TSPOAP1: variants seen among roughly 807,000 people sequenced by gnomAD.
TSPOAP1 encodes the protein TSPO associated protein 1, also known as peripheral-type benzodiazepine receptor-associated protein 1.
A neutral mutation model predicts 197.0 loss-of-function variants in TSPOAP1; 87 were observed. The ratio of observed to expected loss-of-function variants is 0.44; its 90% CI spans 0.37 to 0.53. TSPOAP1 has a LOEUF of 0.53. TSPOAP1 is among the 20% of genes least tolerant of loss of function. TSPOAP1 has a pLI of 0.00. For missense variants in TSPOAP1, 2,174 were observed against 2,411.3 expected (o/e 0.90, Z 2.06); for synonymous variants, 913 against 998.9 (o/e 0.91, Z 1.62).
At chr17:58,320,034 T>G (rs1297055497) in intron 12 of TSPOAP1, 75 bp downstream of exon 12, 2 of 1,578,982 alleles carry the variant, frequency 1.3e-6, no homozygotes, top group Non-Finnish European at 1.7e-6. Flanking sequence ...AGAGGGGGAC[T>G]GCCTGGGCCC....
At chr17:58,316,183 T>A in intron 15 of TSPOAP1, 51 bp from the exon 16 acceptor site, 1 of 1,413,916 alleles carries the variant, frequency 7.1e-7, no homozygotes, top group Non-Finnish European at 1.0e-6. Context: ...ACACTCCACT[T>A]CCATGTCCTG....
chr17:58,324,802 G>C lies in TSPOAP1; in HGVS notation c.942+9C>G, dbSNP rs1442361795. 1.4e-6 allele frequency: 2 copies of C among 1,447,398 alleles called. No individual in the cohort carries two copies. Among genetic ancestry groups the C allele is most frequent in the East Asian group, 2.5e-5 (1 of 39,514 alleles). The allele number at this position is 1,447,398 out of a possible 1,614,324, so 89.7% of individuals were successfully genotyped here. On this transcript the variant is annotated intron_variant, in intron 5 of 31. Transcript: ENST00000343736. This position sits in a 1 kb window ranked among gnomAD's most constrained non-coding sequence, Gnocchi z 5.8. ...GCACCCACACACCTGCCCTTGCGCCGGCGCTCACCTCTCCCGGGGCCCCGG... is the reference window on the plus strand; with the variant it reads ...GCACCCACACACCTGCCCTTGCGCCCGCGCTCACCTCTCCCGGGGCCCCGG...
In TSPOAP1 at chr17:58,323,525, C is replaced by T. The variant is rs766082149; in HGVS notation, c.963G>A (p.Ala321=). 47 of 1,613,986 alleles carry T rather than the reference C, an allele frequency of 2.9e-5. No homozygotes were observed. The highest frequency in any genetic ancestry group is 3.5e-5 in the Non-Finnish European group (41 of 1,179,978). Reference sequence around the variant, plus strand: ...CCCCTAGAATCACGGGTAGGTTGTCCGCATCCTCCTGGGGCGTGGCCTGGA... The same window carrying T: ...CCCCTAGAATCACGGGTAGGTTGTCTGCATCCTCCTGGGGCGTGGCCTGGA... ...APGEATPQED[A]DNLPVILGEP... The change falls in exon 6 of 32, where the codon GCG becomes GCA. Residue 321 remains alanine (A), a synonymous_variant. Transcript: ENST00000343736.
In TSPOAP1 at chr17:58,326,893, G is replaced by A; in HGVS notation, c.334-103C>T. ...ACCATCCATGGTCCAAGGAGACATG[G>A]AGATGAAACGGTTTCCCCTATGTCC... On this transcript the variant is annotated intron_variant, in intron 1 of 31. Transcript: ENST00000343736. The surrounding 1 kb of genome is among the most constrained non-coding windows in gnomAD (Gnocchi z 4.7). The A allele has an allele frequency of 1.0e-6, 1 of 977,320 alleles. No individual in the cohort carries two copies. The allele number at this position is 977,320 out of a possible 1,614,324, so 60.5% of individuals were successfully genotyped here. A position where few individuals can be genotyped will look rare whatever the true frequency, so the allele number is the denominator to read the frequency against.
Position 58,325,908 on chromosome 17 carries a change from T to A in TSPOAP1, c.571-195A>T, listed in dbSNP as rs573526071. Reference sequence around the variant, plus strand: ...GCAGTTGGAAAGGATTAACTCTACATCTGAGTTTAGGATCAAAGGATGCTG... The same window carrying A: ...GCAGTTGGAAAGGATTAACTCTACAACTGAGTTTAGGATCAAAGGATGCTG... On this transcript the variant is annotated intron_variant, in intron 3 of 31. Coordinates refer to ENST00000343736, the MANE Select transcript of TSPOAP1 (RefSeq NM_004758.4). Among the ~76,000 whole-genome samples, 15 of 152,226 alleles carry A rather than the reference T, an allele frequency of 9.9e-5. No individual in the cohort carries two copies. The South Asian group carries it at 2.9e-3, about 29-fold the overall frequency.
chr17:58,318,954 G>T, intron 13 of TSPOAP1, 136 bp downstream of exon 13: 1 of 1,042,618 alleles, frequency 9.6e-7, no homozygotes, highest in Non-Finnish European at 1.3e-6. Context: ...ACAGAACGTG[G>T]TTCTAGCCAG....
intron 16 of TSPOAP1, 52 bp from the exon 17 acceptor site, chr17:58,312,774 TA>T: frequency 1.3e-6 from 2 of 1,482,356 alleles, no homozygotes; most frequent in East Asian, 2.3e-5. Flanking sequence ...AGAGAGGAGA[TA>T]AAGAAAAAAC....
Position 58,328,186 on chromosome 17 carries a change from C to T in TSPOAP1, c.-266G>A, listed in dbSNP as rs1971713084. On this transcript the variant is annotated 5_prime_UTR_variant, in exon 1 of 32. Coordinates refer to ENST00000343736, the MANE Select transcript of TSPOAP1 (RefSeq NM_004758.4). The surrounding 1 kb of genome is among the most constrained non-coding windows in gnomAD (Gnocchi z 4.3). ...GAGTATGTGGAGGAGCGAGGGTGTCCCTGTGGGGGTAGGGAGGATGTGCAG... is the reference window on the plus strand; with the variant it reads ...GAGTATGTGGAGGAGCGAGGGTGTCTCTGTGGGGGTAGGGAGGATGTGCAG... 3.9e-6 allele frequency: 2 copies of T among 517,740 alleles called. No individual in the cohort carries two copies. The highest frequency in any genetic ancestry group is 6.4e-5 in the East Asian group (2 of 31,164). The allele number at this position is 517,740 out of a possible 1,614,324, so 32.1% of individuals were successfully genotyped here.
At chr17:58,310,181 G>C in intron 20 of TSPOAP1, 23 bp from the exon 21 acceptor site, 1 of 1,604,898 alleles carries the variant, frequency 6.2e-7, no homozygotes, top group South Asian at 1.1e-5. Flanking sequence ...AGGCAAGGCA[G>C]GAGAGATAAG....
intron 26 of TSPOAP1, 76 bp downstream of exon 26, chr17:58,306,266 A>AACAG: frequency 7.1e-7 from 1 of 1,399,284 alleles, no homozygotes; most frequent in Non-Finnish European, 9.9e-7. Flanking sequence ...CCTGAGAGAA[A>AACAG]ACAGACAGCC....
rs1245530141 is a variant in TSPOAP1 at position 58,324,765 on chromosome 17, A to G, written c.942+46T>C. Reference sequence around the variant, plus strand: ...GGAGATCCCGGTGGTCGTTCCCCCCACCCATCTGCACGCACCCACACACCT... The same window carrying G: ...GGAGATCCCGGTGGTCGTTCCCCCCGCCCATCTGCACGCACCCACACACCT... On this transcript the variant is annotated intron_variant, in intron 5 of 31. Transcript: ENST00000343736. The surrounding 1 kb of genome is among the most constrained non-coding windows in gnomAD (Gnocchi z 5.8). 2 of 1,326,062 alleles carry G rather than the reference A, an allele frequency of 1.5e-6. No individual in the cohort carries two copies. Among genetic ancestry groups the G allele is most frequent in the South Asian group, 3.5e-5 (2 of 57,422 alleles). The allele number at this position is 1,326,062 out of a possible 1,614,324, so 82.1% of individuals were successfully genotyped here.
At chr17:58,314,726 CAT>C (rs2143063399) in intron 16 of TSPOAP1, among the ~76,000 whole-genome samples, 1 of 152,364 alleles carries the variant, frequency 6.6e-6, no homozygotes, top group Non-Finnish European at 1.5e-5. Context: ...AGGAAACGAT[CAT>C]AAGCACCAGC....
In TSPOAP1 at chr17:58,308,616, G is replaced by A. The variant is rs142285680; in HGVS notation, c.4656C>T (p.Leu1552=). The stretch of plus-strand genomic sequence containing the variant: ...CTGGTTCCCCTTTCTCCCAGGCTGG[G>A]AGGCGTGGGTAGGGCTTGGGGCCTG... ...ANSGPKPYPR[L]PAWEKGEPER... Residue 1552 remains leucine, a synonymous_variant, in exon 22 of 32, where the codon CTC becomes CTT. Coordinates refer to ENST00000343736, the MANE Select transcript of TSPOAP1 (RefSeq NM_004758.4). The A allele has an allele frequency of 3.8e-4, 602 of 1,599,312 alleles. 1 individual carries two copies. In the African/African-American group the frequency reaches 7.1e-3, roughly 19 times the overall value.
In TSPOAP1 at chr17:58,322,860, T is replaced by TGAGCAGGG; in HGVS notation, c.1195-85_1195-84insCCCTGCTC. Reference sequence around the variant, plus strand: ...CACAGGGGGAACAGTACCCTACCCCTGCTCAGGGGTGGAGGAGAAAGCCCC... The same window carrying TGAGCAGGG: ...CACAGGGGGAACAGTACCCTACCCCTGAGCAGGGGCTCAGGGGTGGAGGAGAAAGCCCC... On this transcript the variant is annotated intron_variant, in intron 8 of 31. Transcript: ENST00000343736. This position sits in a 1 kb window ranked among gnomAD's most constrained non-coding sequence, Gnocchi z 5.0. 1 of 1,603,534 alleles carries TGAGCAGGG rather than the reference T, an allele frequency of 6.2e-7. No homozygotes were observed. The highest frequency in any genetic ancestry group is 8.5e-7 in the Non-Finnish European group (1 of 1,173,528).
chr17:58,307,749 G>A lies in TSPOAP1; in HGVS notation c.4845C>T (p.Ser1615=), dbSNP rs1410123422. 3.7e-6 allele frequency: 6 copies of A among 1,614,172 alleles called. No homozygotes were observed. The highest frequency in any genetic ancestry group is 5.1e-6 in the Non-Finnish European group (6 of 1,180,046). ...PSTAELVPAR[S]PSETLAYQHL... is the part of the protein sequence containing the mutation. Reference sequence around the variant, plus strand: ...GCTGGTAAGCCAGTGTTTCTGAGGGGCTCCTCGCAGGGACTGTGGAGACAG... The same window carrying A: ...GCTGGTAAGCCAGTGTTTCTGAGGGACTCCTCGCAGGGACTGTGGAGACAG... The change falls in exon 24 of 32, where the codon AGC becomes AGT. Residue 1615 remains serine (S), a synonymous_variant. Coordinates refer to ENST00000343736, the MANE Select transcript of TSPOAP1 (RefSeq NM_004758.4).
At chr17:58,307,800 T>G (rs779031798) in intron 23 of TSPOAP1, 38 bp from the exon 24 acceptor site, 1 of 1,613,504 alleles carries the variant, frequency 6.2e-7, no homozygotes, top group Non-Finnish European at 8.5e-7. Context: ...CGCAGCGAGC[T>G]CTGGCCGAGC....
chr17:58,316,558 G>A lies in TSPOAP1; in HGVS notation c.1873-18C>T. 6.3e-7 allele frequency: 1 copy of A among 1,593,068 alleles called. No individual in the cohort carries two copies. The highest frequency in any genetic ancestry group is 8.6e-7 in the Non-Finnish European group (1 of 1,166,712). The stretch of plus-strand genomic sequence containing the variant: ...GTGTCCACCTGGGGGCAAACAGAAA[G>A]GGCTGGTTTCTCTTCAGGGCCTGGG... On this transcript the variant is annotated intron_variant, in intron 14 of 31. Transcript: ENST00000343736.
intron 29 of TSPOAP1, 40 bp from the exon 30 acceptor site, chr17:58,305,211 G>C (rs1330938462): frequency 3.9e-6 from 6 of 1,550,876 alleles, no homozygotes; most frequent in Non-Finnish European, 4.5e-6. Context: ...TCAGGAAAGA[G>C]GCTCTGGCCC....
At chr17:58,313,869 C>A (rs1167396144) in intron 16 of TSPOAP1, among the ~76,000 whole-genome samples, 3 of 152,194 alleles carry the variant, frequency 2.0e-5, no homozygotes, top group Admixed American at 6.5e-5. Flanking sequence ...TCAATCCAGG[C>A]AACCACCAAT....
Sources: gnomAD v4.1 joint callset for allele counts (sites outside exome capture counted in the v4.1 genomes callset) on GRCh38, gnomAD v4.1.1 for gene constraint, Gnocchi (gnomAD v3.1) non-coding constraint, MANE v1.5 for transcripts, NCBI Gene and HGNC (gene_info 2026-07-23, HGNC 2026-07-21) for gene names.